Variants in PSMG2 observed in about 807,000 individuals in gnomAD.
The protein encoded by PSMG2 is proteasome assembly chaperone 2, also known as CD40 ligand-activated specific transcript 3.
A neutral mutation model predicts 31.5 loss-of-function variants in PSMG2; 21 were observed. The ratio of observed to expected loss-of-function variants is 0.67; its 90% CI spans 0.47 to 0.96. The LOEUF is 0.96. PSMG2 is among the 40% of genes least tolerant of loss of function. The pLI is 0.00. For synonymous variants in PSMG2, 120 were observed against 110.4 expected, an observed-to-expected ratio of 1.09 and a Z score of -0.54; for missense variants, 318 against 321.2, an observed-to-expected ratio of 0.99 and a Z score of 0.08.
intron 1 of PSMG2, among the ~76,000 whole-genome samples, chr18:12,696,425 C>G (rs952080827): frequency 6.6e-6 from 1 of 152,068 alleles, no homozygotes; most frequent in Non-Finnish European, 1.5e-5. Flanking sequence ...ATCGCTTGAA[C>G]CCAGGAGGCG....
intron 1 of PSMG2, among the ~76,000 whole-genome samples, chr18:12,662,833 G>C (rs1354895174): frequency 6.6e-6 from 1 of 152,156 alleles, no homozygotes; most frequent in East Asian, 1.9e-4. Context: ...TAAAATGTGT[G>C]AACAATAGTG....
chr18:12,698,103 AAAG>A (rs1262275209), upstream of PSMG2, among the ~76,000 whole-genome samples: 4 of 152,012 alleles, frequency 2.6e-5, no homozygotes, highest in African/African-American at 7.2e-5. Context: ...ATAAGAAAAA[AAAG>A]AAAAAATTAA....
chr18:12,703,981 C>T (rs2040232608), intron 1 of PSMG2, among the ~76,000 whole-genome samples: 2 of 152,098 alleles, frequency 1.3e-5, no homozygotes, highest in South Asian at 2.1e-4. Flanking sequence ...ACCCAGAAGG[C>T]ACCATTGGAA....
chr18:12,723,932 T>G (rs1232911618), intron 5 of PSMG2, among the ~76,000 whole-genome samples: 1 of 152,226 alleles, frequency 6.6e-6, no homozygotes, highest in African/African-American at 2.4e-5. Flanking sequence ...GTGTCTGTCT[T>G]TGTTCCCGTT....
At chr18:12,678,172 G>T in intron 1 of PSMG2, 5 of 1,614,152 alleles carry the variant, frequency 3.1e-6, no homozygotes, top group Non-Finnish European at 4.2e-6. Context: ...TTACTGACGC[G>T]TCAATTGTGG....
At chr18:12,691,941 G>T (rs1472260724) in intron 1 of PSMG2, among the ~76,000 whole-genome samples, 2 of 151,828 alleles carry the variant, frequency 1.3e-5, no homozygotes, top group Non-Finnish European at 2.9e-5. Context: ...AGCTAGTCTT[G>T]AACTCCTGAG....
chr18:12,699,408 G>C (rs1219424852), upstream of PSMG2, among the ~76,000 whole-genome samples: 1 of 152,104 alleles, frequency 6.6e-6, no homozygotes, highest in Non-Finnish European at 1.5e-5. Flanking sequence ...ATTCTTTTCT[G>C]AGTTTACATC....
chr18:12,674,265 C>T (rs2039039651), intron 1 of PSMG2, among the ~76,000 whole-genome samples: 1 of 151,780 alleles, frequency 6.6e-6, no homozygotes, highest in Admixed American at 6.6e-5. Context: ...AGGAAGACCC[C>T]CATCTCTACA....
upstream of PSMG2, chr18:12,699,057 G>A (rs754183790): frequency 1.3e-5 from 21 of 1,613,916 alleles, no homozygotes; most frequent in Admixed American, 1.2e-4. Context: ...GGTTTAGAAC[G>A]AAAACGTTGG....
intron 1 of PSMG2, among the ~76,000 whole-genome samples, chr18:12,667,048 A>C (rs1213562202): frequency 6.6e-6 from 1 of 152,184 alleles, no homozygotes; most frequent in Non-Finnish European, 1.5e-5. Context: ...CAAAAATAAG[A>C]TGTATATGGA....
chr18:12,677,458 C>CAAAAAAA (rs71174127), intron 1 of PSMG2, among the ~76,000 whole-genome samples: 2 of 53,940 alleles, frequency 3.7e-5, no homozygotes, highest in Middle Eastern at 0.018. Context: ...GATTCCATCT[C>CAAAAAAA]AAAAAAAAAA....
At chr18:12,723,398 A>G (rs1156473686) in intron 5 of PSMG2, among the ~76,000 whole-genome samples, 2 of 145,360 alleles carry the variant, frequency 1.4e-5, no homozygotes, top group Admixed American at 6.7e-5. Flanking sequence ...AACTAGATAT[A>G]GTTAGATATA....
intron 4 of PSMG2, among the ~76,000 whole-genome samples, chr18:12,718,929 C>T (rs2040403812): frequency 6.6e-6 from 1 of 152,124 alleles, no homozygotes; most frequent in Non-Finnish European, 1.5e-5. Flanking sequence ...TCACAGAGCT[C>T]AGCTAATTGA....
chr18:12,702,081 G>T (rs182675551), upstream of PSMG2, among the ~76,000 whole-genome samples: 300 of 152,264 alleles, frequency 2.0e-3, no homozygotes, highest in Non-Finnish European at 3.1e-3. Context: ...AGCCGAGATC[G>T]TGCCACTGCA....
chr18:12,711,978 T>C (rs2040337105), intron 2 of PSMG2, among the ~76,000 whole-genome samples: 1 of 152,024 alleles, frequency 6.6e-6, no homozygotes, highest in African/African-American at 2.4e-5. Flanking sequence ...AGGATGATCT[T>C]GATCTCCTGA....
chr18:12,686,119 G>A (rs1489549462), intron 1 of PSMG2: 1 of 513,490 alleles, frequency 1.9e-6, no homozygotes, highest in Non-Finnish European at 3.3e-6. Context: ...ATCTGCAGTT[G>A]GTTGAATCTA....
upstream of PSMG2, among the ~76,000 whole-genome samples, chr18:12,699,604 TTATTA>T (rs1334558672): frequency 3.3e-5 from 5 of 152,174 alleles, no homozygotes; most frequent in African/African-American, 1.2e-4. Flanking sequence ...ATAAAACATA[TTATTA>T]AAACACAAGA....
chr18:12,684,033 A>T (rs1405612636), intron 1 of PSMG2, among the ~76,000 whole-genome samples: 1 of 149,170 alleles, frequency 6.7e-6, no homozygotes, highest in Non-Finnish European at 1.5e-5. Flanking sequence ...ATATATATGT[A>T]TTTTTTTTTG....
At chr18:12,701,215 T>C (rs2040138840), upstream of PSMG2, 2 of 778,262 alleles carry the variant, frequency 2.6e-6, no homozygotes, top group Non-Finnish European at 4.2e-6. Flanking sequence ...GCACAATTGT[T>C]ACCACAATTG....
Sources: gnomAD v4.1 joint callset for allele counts (sites outside exome capture counted in the v4.1 genomes callset) on GRCh38, gnomAD v4.1.1 for gene constraint, MANE v1.5 for transcripts, NCBI Gene and HGNC (gene_info 2026-07-23, HGNC 2026-07-21) for gene names.